GPC6: variants seen among roughly 807,000 people sequenced by gnomAD.
GPC6 encodes the protein glypican-6.
GPC6 carries 14 observed loss-of-function variants against 55.2 expected under a neutral mutation model. The ratio of observed to expected loss-of-function variants is 0.25; its 90% CI spans 0.17 to 0.40. The LOEUF is 0.40. Ranked by LOEUF, GPC6 falls within the 10% of genes least tolerant of loss-of-function variation. The pLI is 1.00. For synonymous variants in GPC6, 278 were observed against 259.6 expected (o/e 1.07, Z -0.68); for missense variants, 641 against 708.5 (o/e 0.90, Z 1.08).
intron 4 of GPC6, among the ~76,000 whole-genome samples, chr13:94,270,515 A>G (rs780328459): frequency 3.9e-5 from 6 of 152,244 alleles, no homozygotes; most frequent in Non-Finnish European, 7.3e-5. Context: ...TGCCTATTAG[A>G]GTTAACATCT....
At position 93,830,372 on chromosome 13, in the gene GPC6, T is replaced by C; in HGVS notation, c.538T>C (p.Tyr180His). 3.7e-6 allele frequency: 6 copies of C among 1,613,878 alleles called. No individual in the cohort carries two copies. The highest frequency in any genetic ancestry group is 5.1e-6 in the Non-Finnish European group (6 of 1,179,904). ...GATGTTTCAGCTGATAAACCCTCAGTATCACTTCAGTGAAGACTACCTGGA... is the reference window on the plus strand; with the variant it reads ...GATGTTTCAGCTGATAAACCCTCAGCATCACTTCAGTGAAGACTACCTGGA... ...ERMFQLINPQ[Y>H]HFSEDYLECV... The change falls in exon 3 of 9, where the codon TAT becomes CAT. Residue 180 changes from tyrosine (Y) to histidine (H), a missense_variant. Transcript: ENST00000377047.
chr13:94,152,466 A>C (rs755439765), intron 4 of GPC6, among the ~76,000 whole-genome samples: 3 of 152,152 alleles, frequency 2.0e-5, no homozygotes, highest in Non-Finnish European at 4.4e-5. Context: ...AACTTAGTAC[A>C]TGTCAGGTAT....
At chr13:93,415,078 T>C (rs1313182387) in intron 1 of GPC6, among the ~76,000 whole-genome samples, 1 of 152,154 alleles carries the variant, frequency 6.6e-6, no homozygotes, top group Non-Finnish European at 1.5e-5. Context: ...GTAGAATGGT[T>C]ACCATGACAG....
intron 2 of GPC6, among the ~76,000 whole-genome samples, chr13:93,719,917 A>G (rs1274533390): frequency 6.6e-6 from 1 of 152,196 alleles, no homozygotes; most frequent in South Asian, 2.1e-4. Flanking sequence ...CCAGCCTTGC[A>G]TCCCAGGGAT....
At chr13:93,493,971 G>C (rs1880145945) in intron 1 of GPC6, among the ~76,000 whole-genome samples, 1 of 124,382 alleles carries the variant, frequency 8.0e-6, no homozygotes, top group African/African-American at 3.0e-5. Context: ...AATAGGTGTG[G>C]TGTGATGCTG....
intron 1 of GPC6, among the ~76,000 whole-genome samples, chr13:93,243,476 G>A (rs1876503372): frequency 6.6e-6 from 1 of 152,202 alleles, no homozygotes; most frequent in South Asian, 2.1e-4. Flanking sequence ...GCAGTAGCTT[G>A]GGCTTTGCTC....
chr13:94,102,350 A>G (rs1885895509), intron 4 of GPC6, among the ~76,000 whole-genome samples: 1 of 152,102 alleles, frequency 6.6e-6, no homozygotes, highest in South Asian at 2.1e-4. Context: ...CCCCTATTCT[A>G]TAATCCTCCC....
intron 3 of GPC6, among the ~76,000 whole-genome samples, chr13:94,012,299 C>G (rs1566285060): frequency 6.6e-6 from 1 of 152,062 alleles, no homozygotes; most frequent in Non-Finnish European, 1.5e-5. Context: ...AAGGTCCATG[C>G]TGGTACTTTG....
At position 93,911,963 on chromosome 13, in the gene GPC6, A is replaced by G. The variant is rs149847715; in HGVS notation, c.711+81418A>G. ...TTCATACAGCTGAGTGCAGAGAGCAATTGAGGGAGTGATGGGAGATACTGC... is the reference window on the plus strand; with the variant it reads ...TTCATACAGCTGAGTGCAGAGAGCAGTTGAGGGAGTGATGGGAGATACTGC... On this transcript the variant is annotated intron_variant, in intron 3 of 8. Coordinates refer to ENST00000377047, the MANE Select transcript of GPC6 (RefSeq NM_005708.5). 6.8e-4 allele frequency among the ~76,000 whole-genome samples: 104 copies of G among 152,284 alleles called. 1 individual carries two copies. The highest frequency in any genetic ancestry group is 2.3e-3 in the African/African-American group (97 of 41,564).
chr13:93,489,858 A>G (rs1314473327), intron 1 of GPC6, among the ~76,000 whole-genome samples: 2 of 151,604 alleles, frequency 1.3e-5, no homozygotes, highest in Non-Finnish European at 2.9e-5. Context: ...CAGCTTAAGG[A>G]GATTTTGGGC....
At chr13:93,730,081 C>G (rs1005459415) in intron 2 of GPC6, among the ~76,000 whole-genome samples, 12 of 152,088 alleles carry the variant, frequency 7.9e-5, no homozygotes, top group African/African-American at 2.9e-4. Flanking sequence ...TGCTCATTTA[C>G]CCGTATACTG....
intron 1 of GPC6, among the ~76,000 whole-genome samples, chr13:93,491,726 G>A (rs368680402): frequency 0.15 from 19,158 of 124,932 alleles, 1,583 homozygotes; most frequent in Middle Eastern, 0.23. Context: ...TCCAGTTTCA[G>A]CTTTCTACAT....
rs573344497 is a variant in GPC6 at position 93,662,655 on chromosome 13, C to CA, written c.319+117244dup. On this transcript the variant is annotated intron_variant, in intron 2 of 8. Coordinates refer to ENST00000377047, the MANE Select transcript of GPC6 (RefSeq NM_005708.5). ...AAAAAAAGCCAAACGAACAAACAAACAAAAAAAAAACTTCTACATTTCAAG... is the reference window on the plus strand; with the variant it reads ...AAAAAAAGCCAAACGAACAAACAAACAAAAAAAAAAACTTCTACATTTCAAG... Among the ~76,000 whole-genome samples the CA allele has an allele frequency of 7.7e-3, 1,129 of 146,256 alleles. 13 individuals are homozygous for CA. Among genetic ancestry groups the CA allele is most frequent in the African/African-American group, 0.025 (985 of 40,038 alleles).
At chr13:94,316,260 T>A (rs916928682) in intron 6 of GPC6, among the ~76,000 whole-genome samples, 9 of 152,170 alleles carry the variant, frequency 5.9e-5, no homozygotes, top group African/African-American at 1.9e-4. Context: ...TCATCCTTTT[T>A]CGGTCAGGCT....
At chr13:93,279,482 C>T (rs548720147) in intron 1 of GPC6, among the ~76,000 whole-genome samples, 5 of 152,138 alleles carry the variant, frequency 3.3e-5, no homozygotes, top group Non-Finnish European at 4.4e-5. Flanking sequence ...GCTTCTTGAA[C>T]CTTATTTCCA....
intron 2 of GPC6, among the ~76,000 whole-genome samples, chr13:93,699,465 G>C (rs527732540): frequency 1.2e-3 from 181 of 152,214 alleles, no homozygotes; most frequent in Non-Finnish European, 1.9e-3. Flanking sequence ...TGACACCACT[G>C]TACAGAGAGG....
chr13:94,345,333 T>C (rs1224926008), intron 6 of GPC6, among the ~76,000 whole-genome samples: 1 of 152,096 alleles, frequency 6.6e-6, no homozygotes, highest in Admixed American at 6.5e-5. Flanking sequence ...TTAAGAAAAC[T>C]GAGATCCAAA....
intron 2 of GPC6, among the ~76,000 whole-genome samples, chr13:93,559,871 A>T (rs1875672530): frequency 6.6e-6 from 1 of 152,138 alleles, no homozygotes; most frequent in African/African-American, 2.4e-5. Flanking sequence ...CCATTTCTTT[A>T]TCCTAAGGTT....
intron 2 of GPC6, among the ~76,000 whole-genome samples, chr13:93,755,178 T>G (rs554152492): frequency 1.3e-5 from 2 of 152,314 alleles, no homozygotes; most frequent in South Asian, 4.1e-4. Flanking sequence ...GATCCTCATA[T>G]TCCAGAAGAT....
Sources: gnomAD v4.1 joint callset for allele counts (sites outside exome capture counted in the v4.1 genomes callset) on GRCh38, gnomAD v4.1.1 for gene constraint, MANE v1.5 for transcripts, NCBI Gene and HGNC (gene_info 2026-07-23, HGNC 2026-07-21) for gene names.